Variants in EPHX1 observed in about 807,000 individuals in gnomAD.
EPHX1 encodes epoxide hydrolase 1.
EPHX1 carries 40 observed loss-of-function variants against 43.2 expected under a neutral mutation model. The observed-to-expected ratio is 0.93, with a 90% CI of 0.72 to 1.21. The LOEUF is 1.21. Among genes scored for constraint, EPHX1 ranks in the 50% most tolerant of loss-of-function variants. EPHX1 has a pLI of 0.00. For missense variants in EPHX1, 550 were observed against 570.4 expected, an observed-to-expected ratio of 0.96 and a Z score of 0.36; for synonymous variants, 221 against 226.7, an observed-to-expected ratio of 0.98 and a Z score of 0.22.
At chr1:225,830,974 G>A (rs374228662) in intron 2 of EPHX1, among the ~76,000 whole-genome samples, 5 of 152,182 alleles carry the variant, frequency 3.3e-5, no homozygotes, top group Admixed American at 2.0e-4. Context: ...TTATATAGCA[G>A]TCAGATTTCA....
intron 1 of EPHX1, among the ~76,000 whole-genome samples, chr1:225,822,995 C>G (rs1167542764): frequency 6.6e-6 from 1 of 152,112 alleles, no homozygotes; most frequent in Non-Finnish European, 1.5e-5. Context: ...GGCAGAGATG[C>G]TCCACGGTAA....
At chr1:225,827,621 G>A (rs371160780) in intron 1 of EPHX1, among the ~76,000 whole-genome samples, 2 of 152,180 alleles carry the variant, frequency 1.3e-5, no homozygotes, top group African/African-American at 2.4e-5. Context: ...GTAGATTAGA[G>A]GCTGCTTAGG....
chr1:225,820,617 A>G (rs1666938710), intron 1 of EPHX1, among the ~76,000 whole-genome samples: 1 of 152,126 alleles, frequency 6.6e-6, no homozygotes, highest in African/African-American at 2.4e-5. Flanking sequence ...CATTCATGCC[A>G]TGCGCTTCCT....
intron 1 of EPHX1, among the ~76,000 whole-genome samples, chr1:225,826,710 T>A (rs1190602987): frequency 6.6e-6 from 1 of 152,150 alleles, no homozygotes; most frequent in Non-Finnish European, 1.5e-5. Flanking sequence ...CTAAGAAGTA[T>A]GCTGGTGACT....
chr1:225,845,101 C>T lies in EPHX1; in HGVS notation c.1167-45C>T, dbSNP rs200590894. ...CCCCCTGCTGTGCAGGACGGAGGGG[C>T]GCAGGGCCACAGCCTCACCCCTCCG... On this transcript the variant is annotated intron_variant, in intron 8 of 8. Coordinates refer to ENST00000272167, the MANE Select transcript of EPHX1 (RefSeq NM_001136018.4). 1,888 of 1,597,100 alleles carry T rather than the reference C, an allele frequency of 1.2e-3. 20 individuals are homozygous for T. In the African/African-American group the frequency reaches 0.021, roughly 18 times the overall value.
intron 3 of EPHX1, among the ~76,000 whole-genome samples, chr1:225,834,418 A>G (rs145522339): frequency 2.0e-5 from 3 of 151,950 alleles, no homozygotes; most frequent in African/African-American, 7.2e-5. Flanking sequence ...AAAAAGGGAG[A>G]AAGGAAGGAT....
At chr1:225,844,280 C>T (rs1005134667) in intron 7 of EPHX1, among the ~76,000 whole-genome samples, 1 of 150,742 alleles carries the variant, frequency 6.6e-6, no homozygotes, top group Non-Finnish European at 1.5e-5. Flanking sequence ...GGGGGAGGAC[C>T]TTGGGGTGAT....
chr1:225,819,726 G>A lies in EPHX1; in HGVS notation c.-5-8999G>A, dbSNP rs555921379. On this transcript the variant is annotated intron_variant, in intron 1 of 8. Transcript: ENST00000272167. The stretch of plus-strand genomic sequence containing the variant: ...GTTTAGGGGGACAGGATCACAGTGC[G>A]ATTTCAGATGCACTGGAGAAAATTT... Among the ~76,000 whole-genome samples, 19 of 152,296 alleles carry A rather than the reference G, an allele frequency of 1.2e-4. No individual in the cohort carries two copies. The South Asian group carries it at 3.7e-3, about 30-fold the overall frequency.
chr1:225,833,925 C>T (rs1470923594), intron 3 of EPHX1, among the ~76,000 whole-genome samples: 21 of 145,848 alleles, frequency 1.4e-4, no homozygotes, highest in South Asian at 1.3e-3. Flanking sequence ...GGTGAAACCC[C>T]GTCTCTACTA....
intron 1 of EPHX1, among the ~76,000 whole-genome samples, chr1:225,815,442 A>G (rs1666680939): frequency 7.0e-6 from 1 of 142,766 alleles, no homozygotes; most frequent in African/African-American, 2.6e-5. Context: ...TTGTAGAGAC[A>G]AGGTTTCACT....
At chr1:225,820,346 C>T (rs1343567190) in intron 1 of EPHX1, among the ~76,000 whole-genome samples, 2 of 152,122 alleles carry the variant, frequency 1.3e-5, no homozygotes, top group African/African-American at 4.8e-5. Flanking sequence ...ACCTTGGCCT[C>T]CAAAGTGCTG....
chr1:225,830,771 G>A (rs370072858), intron 2 of EPHX1, among the ~76,000 whole-genome samples: 1 of 152,216 alleles, frequency 6.6e-6, no homozygotes, highest in East Asian at 1.9e-4. Flanking sequence ...GGCCTGGCCT[G>A]TAATTTTTAT....
chr1:225,839,710 G>GA lies in EPHX1; in HGVS notation c.723-116dup, dbSNP rs1404129328. 25 of 1,147,886 alleles carry GA rather than the reference G, an allele frequency of 2.2e-5. No individual in the cohort carries two copies. In the Admixed American group the frequency reaches 2.6e-4, roughly 12 times the overall value. 71.1% of individuals were successfully genotyped at this position (1,147,886 alleles called of 1,614,324 possible). A position where few individuals can be genotyped will look rare whatever the true frequency, so the allele number is the denominator to read the frequency against. ...TGGCCTCCCCAGTGGGGCCAGTGCT[G>GA]AAAGAGGCTGGCTCTGTGCTCGCTC... On this transcript the variant is annotated intron_variant, in intron 5 of 8. Transcript: ENST00000272167.
At chr1:225,818,926 TAAAAAA>T (rs546153231) in intron 1 of EPHX1, among the ~76,000 whole-genome samples, 19 of 95,582 alleles carry the variant, frequency 2.0e-4, no homozygotes, top group Non-Finnish European at 3.7e-4. Flanking sequence ...CTGTCTCCAT[TAAAAAA>T]AAAAAAAAAA....
intron 1 of EPHX1, among the ~76,000 whole-genome samples, chr1:225,826,302 A>G (rs1198354914): frequency 3.3e-5 from 5 of 152,084 alleles, no homozygotes; most frequent in East Asian, 3.9e-4. Flanking sequence ...TGTCTTTACT[A>G]AAAATACAAA....
chr1:225,838,252 G>T (rs920512140), intron 3 of EPHX1, among the ~76,000 whole-genome samples: 1 of 152,094 alleles, frequency 6.6e-6, no homozygotes, highest in African/African-American at 2.4e-5. Flanking sequence ...ATCCTGTATT[G>T]CTGGATACGT....
chr1:225,839,363 GGTGGTGT>G lies in EPHX1; in HGVS notation c.722+21_722+27del, dbSNP rs747237548. 1.9e-6 allele frequency: 3 copies of G among 1,599,140 alleles called. No individual in the cohort carries two copies. Among genetic ancestry groups the G allele is most frequent in the Admixed American group, 3.4e-5 (2 of 58,428 alleles). On this transcript the variant is annotated intron_variant, in intron 5 of 8. Transcript: ENST00000272167. Reference sequence around the variant, plus strand: ...GGTGCCCAGGTGAGGTCACTGTTGGGGTGGTGTGTGTGTGTGTGTGTGTGTGTGTGTG... The same window carrying G: ...GGTGCCCAGGTGAGGTCACTGTTGGGGTGTGTGTGTGTGTGTGTGTGTGTG...
intron 3 of EPHX1, among the ~76,000 whole-genome samples, chr1:225,833,899 C>T (rs1225714120): frequency 6.6e-6 from 1 of 151,020 alleles, no homozygotes; most frequent in African/African-American, 2.4e-5. Context: ...AGATCGAGAC[C>T]ATCCTGGTCT....
chr1:225,832,281 T>C, intron 3 of EPHX1: 1 of 372,190 alleles, frequency 2.7e-6, no homozygotes, highest in Non-Finnish European at 5.2e-6. Context: ...GGCTCAGAAC[T>C]GTAATCCCAG....
Sources: gnomAD v4.1 joint callset for allele counts (sites outside exome capture counted in the v4.1 genomes callset) on GRCh38, gnomAD v4.1.1 for gene constraint, MANE v1.5 for transcripts, NCBI Gene and HGNC (gene_info 2026-07-23, HGNC 2026-07-21) for gene names.